The following CUL2 variants were observed in gnomAD, a reference collection of about 807,000 sequenced individuals.
CUL2 encodes the protein cullin 2.
CUL2 carries 22 observed loss-of-function variants against 110.2 expected under a neutral mutation model. The observed-to-expected ratio is 0.20, with a 90% CI of 0.14 to 0.28. The LOEUF (loss-of-function observed/expected upper bound fraction) is 0.28. CUL2 is among the 10% of genes least tolerant of loss of function. The pLI, the probability that CUL2 is intolerant of heterozygous loss-of-function variation, is 1.00. For synonymous variants in CUL2, 279 were observed against 293.2 expected, an observed-to-expected ratio of 0.95 and a Z score of 0.49; for missense variants, 631 against 905.5, an observed-to-expected ratio of 0.70 and a Z score of 3.89.
At chr10:35,126,849 G>C (rs1383262598), upstream of CUL2, 2 of 152,250 alleles carry the variant, frequency 1.3e-5, no homozygotes, top group African/African-American at 2.4e-5. Flanking sequence ...CCATTTCATT[G>C]TTGGATTGTG....
chr10:35,124,614 CG>C (rs2087717348), intron 1 of CUL2, among the ~76,000 whole-genome samples: 1 of 152,074 alleles, frequency 6.6e-6, no homozygotes, highest in Non-Finnish European at 1.5e-5. Context: ...ATGTGCAACC[CG>C]GAATTGGCAA....
At chr10:35,028,935 A>G (rs993486708) in intron 15 of CUL2, 48 bp from the exon 16 acceptor site, 1 of 1,099,234 alleles carries the variant, frequency 9.1e-7, no homozygotes, top group Non-Finnish European at 1.3e-6. Flanking sequence ...ATCAACATCT[A>G]AATTCAAAGT....
chr10:35,082,525 T>C (rs940411793), intron 1 of CUL2, among the ~76,000 whole-genome samples: 1 of 152,222 alleles, frequency 6.6e-6, no homozygotes, highest in Non-Finnish European at 1.5e-5. Context: ...TTAACACCAC[T>C]AAACTATACC....
At chr10:35,034,572 G>A (rs1000719141) in intron 10 of CUL2, among the ~76,000 whole-genome samples, 3 of 152,130 alleles carry the variant, frequency 2.0e-5, no homozygotes, top group African/African-American at 7.2e-5. Context: ...TTTCTCTCTT[G>A]CTCATCAAAC....
At chr10:35,013,869 A>G in intron 18 of CUL2, 69 bp from the exon 19 acceptor site, 1 of 1,094,170 alleles carries the variant, frequency 9.1e-7, no homozygotes, top group Non-Finnish European at 1.2e-6. Context: ...TGCTGCAAGC[A>G]ATTCTGCTAA....
chr10:35,071,479 A>G (rs576951522), intron 1 of CUL2, 140 bp from the exon 2 acceptor site: 14 of 652,850 alleles, frequency 2.1e-5, no homozygotes, highest in Non-Finnish European at 2.0e-5. Context: ...ATCTTGGCTC[A>G]CTGCAAGCTC....
chr10:35,073,722 A>C (rs1283992905), intron 1 of CUL2, among the ~76,000 whole-genome samples: 1 of 151,192 alleles, frequency 6.6e-6, no homozygotes, highest in Non-Finnish European at 1.5e-5. Context: ...CTCCAGCCTC[A>C]GCCTCCCAAG....
intron 1 of CUL2, among the ~76,000 whole-genome samples, chr10:35,079,283 C>G (rs943806099): frequency 2.6e-5 from 4 of 152,162 alleles, no homozygotes; most frequent in African/African-American, 9.7e-5. Context: ...CAATACAATG[C>G]CTATGTAATG....
intron 1 of CUL2, among the ~76,000 whole-genome samples, chr10:35,116,230 C>G (rs2087598039): frequency 6.6e-6 from 1 of 151,976 alleles, no homozygotes; most frequent in African/African-American, 2.4e-5. Flanking sequence ...GTAATCCCAG[C>G]TACTCCGGAG....
intron 4 of CUL2, among the ~76,000 whole-genome samples, 174 bp from the exon 5 acceptor site, chr10:35,054,713 T>G (rs1213319340): frequency 6.6e-6 from 1 of 152,148 alleles, no homozygotes; most frequent in African/African-American, 2.4e-5. Context: ...AAATTAAAAT[T>G]ATCAGCCCAC....
intron 3 of CUL2, among the ~76,000 whole-genome samples, chr10:35,061,837 G>C (rs1564731672): frequency 6.7e-6 from 1 of 149,954 alleles, no homozygotes; most frequent in Non-Finnish European, 1.5e-5. Context: ...TGAACTCCTG[G>C]CCTCATATGA....
chr10:35,116,924 T>A (rs932997017), intron 1 of CUL2, among the ~76,000 whole-genome samples: 1 of 149,388 alleles, frequency 6.7e-6, no homozygotes, highest in Non-Finnish European at 1.5e-5. Flanking sequence ...GCCACTGCAC[T>A]CCAGCCTGGG....
intron 5 of CUL2, among the ~76,000 whole-genome samples, chr10:35,051,538 G>C (rs1353813200): frequency 6.6e-6 from 1 of 152,080 alleles, no homozygotes; most frequent in Non-Finnish European, 1.5e-5. Flanking sequence ...GCGTGAACCG[G>C]CCGGGCGGAG....
At chr10:35,073,029 C>G (rs954016418) in intron 1 of CUL2, among the ~76,000 whole-genome samples, 3 of 152,104 alleles carry the variant, frequency 2.0e-5, no homozygotes, top group African/African-American at 7.2e-5. Context: ...CAGCCACGGA[C>G]TGGGAGAGGC....
chr10:35,091,966 A>G (rs1384230506), upstream of CUL2, among the ~76,000 whole-genome samples: 1 of 151,770 alleles, frequency 6.6e-6, no homozygotes, highest in Non-Finnish European at 1.5e-5. Flanking sequence ...TGTTTTTGAC[A>G]CAGGGTCTCC....
intron 1 of CUL2, among the ~76,000 whole-genome samples, chr10:35,089,448 T>G (rs1170841749): frequency 6.6e-6 from 1 of 152,244 alleles, no homozygotes; most frequent in Admixed American, 6.5e-5. Context: ...GACGTTTATG[T>G]TGAACAGTCA....
At chr10:35,095,195 A>G (rs543359736), upstream of CUL2, among the ~76,000 whole-genome samples, 3 of 152,078 alleles carry the variant, frequency 2.0e-5, no homozygotes, top group African/African-American at 7.2e-5. Flanking sequence ...ATAGTGCTGC[A>G]TGCCTGAAAT....
chr10:35,122,982 A>T (rs781123213), intron 1 of CUL2, among the ~76,000 whole-genome samples: 104 of 152,258 alleles, frequency 6.8e-4, no homozygotes, highest in Non-Finnish European at 1.1e-3. Flanking sequence ...TAAAAAAATT[A>T]AAAAAATTAG....
chr10:35,074,174 G>A, intron 1 of CUL2: 2 of 1,534,628 alleles, frequency 1.3e-6, no homozygotes, highest in Non-Finnish European at 1.7e-6. Context: ...CCTTATCAAA[G>A]ACACAAAAAT....
Sources: gnomAD v4.1 joint callset for allele counts (sites outside exome capture counted in the v4.1 genomes callset) on GRCh38, gnomAD v4.1.1 for gene constraint, MANE v1.5 for transcripts, NCBI Gene and HGNC (gene_info 2026-07-23, HGNC 2026-07-21) for gene names.